Variants in RBMS1 observed in about 807,000 individuals in gnomAD.
RBMS1 encodes RNA binding motif single stranded interacting protein 1.
A neutral mutation model predicts 62.3 loss-of-function variants in RBMS1; 17 were observed. That is an observed-to-expected ratio of 0.27 (90% CI 0.19 to 0.41). The LOEUF is 0.41. Among genes scored for constraint, RBMS1 ranks in the 10% least tolerant of loss-of-function variants. The pLI is 1.00. For missense variants in RBMS1, 334 were observed against 504.5 expected (o/e 0.66, Z 3.24); for synonymous variants, 172 against 170.0 (o/e 1.01, Z -0.09).
At chr2:160,305,631 C>T (rs924126788) in intron 4 of RBMS1, among the ~76,000 whole-genome samples, 1 of 152,074 alleles carries the variant, frequency 6.6e-6, no homozygotes, top group Non-Finnish European at 1.5e-5. Context: ...GACGGGGAAA[C>T]AGGAGGAAGA....
intron 1 of RBMS1, among the ~76,000 whole-genome samples, chr2:160,442,076 A>G (rs1683431969): frequency 6.6e-6 from 1 of 152,232 alleles, no homozygotes; most frequent in Non-Finnish European, 1.5e-5. Flanking sequence ...TATGCTATGA[A>G]CATTTTCCAA....
At chr2:160,345,582 C>T (rs980952429) in intron 2 of RBMS1, among the ~76,000 whole-genome samples, 5 of 152,116 alleles carry the variant, frequency 3.3e-5, no homozygotes, top group African/African-American at 1.2e-4. Context: ...GTCCAAGGTC[C>T]GAAGTCAGGT....
chr2:160,293,965 C>T (rs1688809866), intron 6 of RBMS1, among the ~76,000 whole-genome samples: 1 of 152,212 alleles, frequency 6.6e-6, no homozygotes, highest in Non-Finnish European at 1.5e-5. Context: ...TGCCACCATA[C>T]TATTTCTGCA....
chr2:160,330,392 T>A (rs183407684), intron 2 of RBMS1, among the ~76,000 whole-genome samples: 1 of 152,312 alleles, frequency 6.6e-6, no homozygotes, highest in East Asian at 1.9e-4. Flanking sequence ...AGGTCATTGG[T>A]GGCACACTTA....
intron 1 of RBMS1, among the ~76,000 whole-genome samples, chr2:160,479,756 A>C (rs1685291544): frequency 6.6e-6 from 1 of 152,096 alleles, no homozygotes; most frequent in Non-Finnish European, 1.5e-5. Context: ...GATGATCTTA[A>C]AGTTCCTTCC....
chr2:160,306,304 A>G (rs907503609), intron 4 of RBMS1, among the ~76,000 whole-genome samples: 15 of 152,316 alleles, frequency 9.8e-5, no homozygotes, highest in South Asian at 4.1e-4. Flanking sequence ...AAATATTATT[A>G]AAAATATTAC....
At chr2:160,292,782 T>G (rs1688748891) in intron 6 of RBMS1, among the ~76,000 whole-genome samples, 1 of 152,222 alleles carries the variant, frequency 6.6e-6, no homozygotes, top group Non-Finnish European at 1.5e-5. Flanking sequence ...ATAATTGTTG[T>G]AAGGCAGCCT....
At chr2:160,440,066 C>CGTGGAGA (rs1221936009) in intron 1 of RBMS1, among the ~76,000 whole-genome samples, 12 of 60,500 alleles carry the variant, frequency 2.0e-4, no homozygotes, top group Non-Finnish European at 3.5e-4. Context: ...AGAGGGAGAC[C>CGTGGAGA]GTGGAGAGGG....
rs1687705624 is a variant in RBMS1 at position 160,274,135 on chromosome 2, G to C, written c.*637C>G. ...TCATTAGTTTGAACTAACTTTTACT[G>C]AAACAGCTACAGCATCAAAAGAGTT... On this transcript the variant is annotated 3_prime_UTR_variant, in exon 14 of 14. Coordinates refer to ENST00000348849, the MANE Select transcript of RBMS1 (RefSeq NM_016836.4). The C allele has an allele frequency of 1.3e-5, 2 of 152,702 alleles. No homozygotes were observed. Among genetic ancestry groups the C allele is most frequent in the South Asian group, 4.1e-4 (2 of 4,830 alleles). 9.5% of individuals were successfully genotyped at this position (152,702 alleles called of 1,614,324 possible).
At chr2:160,383,558 A>T (rs1243997528) in intron 1 of RBMS1, among the ~76,000 whole-genome samples, 1 of 152,060 alleles carries the variant, frequency 6.6e-6, no homozygotes, top group Non-Finnish European at 1.5e-5. Context: ...GTACTTAGTG[A>T]TGTTTCAGTA....
Position 160,493,700 on chromosome 2 carries a change from G to T in RBMS1, c.-337C>A, listed in dbSNP as rs1685973411. 3 of 388,944 alleles carry T rather than the reference G, an allele frequency of 7.7e-6. No homozygotes were observed. The East Asian group carries it at 1.7e-4, about 22-fold the overall frequency. 24.1% of individuals were successfully genotyped at this position (388,944 alleles called of 1,614,324 possible). A position where few individuals can be genotyped will look rare whatever the true frequency, so the allele number is the denominator to read the frequency against. On this transcript the variant is annotated 5_prime_UTR_variant, in exon 1 of 14. Transcript: ENST00000348849. ...TGCTCCGGGGCTGCCAAGGGCTGGC[G>T]CGCTGGCCGCGGTCCGCTCGGGCGA...
chr2:160,415,829 CT>C (rs2105260986), intron 1 of RBMS1, among the ~76,000 whole-genome samples: 1 of 152,062 alleles, frequency 6.6e-6, no homozygotes, highest in East Asian at 1.9e-4. Context: ...TAAATTAGGT[CT>C]ATTTCATTTA....
At chr2:160,411,659 C>T (rs549676333) in intron 1 of RBMS1, among the ~76,000 whole-genome samples, 21 of 152,306 alleles carry the variant, frequency 1.4e-4, no homozygotes, top group African/African-American at 4.8e-4. Context: ...CTCTTGAGTG[C>T]CAGACTCCTC....
chr2:160,384,061 G>C (rs904188994), intron 1 of RBMS1, among the ~76,000 whole-genome samples: 2 of 152,226 alleles, frequency 1.3e-5, no homozygotes, highest in African/African-American at 2.4e-5. Context: ...GCCAGGCGTG[G>C]TGGCAGGTGC....
At chr2:160,429,236 T>G (rs1294328283) in intron 1 of RBMS1, among the ~76,000 whole-genome samples, 4 of 152,242 alleles carry the variant, frequency 2.6e-5, no homozygotes, top group Non-Finnish European at 1.5e-5. Flanking sequence ...TTTCTTCCTT[T>G]TTTTTCATAT....
At chr2:160,380,829 G>A (rs1694253208) in intron 1 of RBMS1, among the ~76,000 whole-genome samples, 1 of 152,206 alleles carries the variant, frequency 6.6e-6, no homozygotes, top group Admixed American at 6.5e-5. Flanking sequence ...AACGGTGGCA[G>A]CCACTCTGCT....
chr2:160,291,090 G>T (rs549913447), intron 6 of RBMS1, among the ~76,000 whole-genome samples: 8 of 152,292 alleles, frequency 5.3e-5, no homozygotes, highest in African/African-American at 1.9e-4. Flanking sequence ...GATGAGATCT[G>T]CAAGTCCTCC....
intron 2 of RBMS1, among the ~76,000 whole-genome samples, chr2:160,337,968 G>A (rs1691668509): frequency 6.6e-6 from 1 of 152,136 alleles, no homozygotes; most frequent in African/African-American, 2.4e-5. Flanking sequence ...AGGTGACAAT[G>A]CCCACAATCG....
At chr2:160,426,487 A>C (rs1169435263) in intron 1 of RBMS1, among the ~76,000 whole-genome samples, 1 of 152,226 alleles carries the variant, frequency 6.6e-6, no homozygotes, top group Admixed American at 6.5e-5. Flanking sequence ...TCCTTTATCA[A>C]ATTTAAAATG....
Sources: allele counts gnomAD v4.1 joint callset (sites outside exome capture counted in the v4.1 genomes callset), GRCh38; gene constraint gnomAD v4.1.1; transcripts MANE v1.5; gene names NCBI Gene and HGNC (gene_info 2026-07-23, HGNC 2026-07-21).